The following NAB1 variants were observed in gnomAD, a reference collection of about 807,000 sequenced individuals.
The protein encoded by NAB1 is NGFI-A binding protein 1.
NAB1 carries 25 observed loss-of-function variants against 49.9 expected under a neutral mutation model. That is an observed-to-expected ratio of 0.50 (90% CI 0.37 to 0.70). The LOEUF (loss-of-function observed/expected upper bound fraction) is 0.70. Ranked by LOEUF, NAB1 falls within the 30% of genes least tolerant of loss-of-function variation. NAB1 has a pLI of 0.00. For synonymous variants in NAB1, 198 were observed against 215.6 expected, an observed-to-expected ratio of 0.92 and a Z score of 0.71; for missense variants, 489 against 575.9, an observed-to-expected ratio of 0.85 and a Z score of 1.54.
intron 2 of NAB1, 53 bp from the exon 3 acceptor site, chr2:190,655,924 T>C (rs1693896626): frequency 6.6e-6 from 1 of 152,262 alleles, no homozygotes; most frequent in African/African-American, 2.4e-5. Context: ...GGTCTTAAAT[T>C]AATGCATTGT....
chr2:190,679,634 G>T lies in NAB1; in HGVS notation c.1006-4104G>T, dbSNP rs1695233629. On this transcript the variant is annotated intron_variant, in intron 6 of 9. Coordinates refer to ENST00000337386, the MANE Select transcript of NAB1 (RefSeq NM_005966.4). This position sits in a 1 kb window ranked among gnomAD's most constrained non-coding sequence, Gnocchi z 5.3. The stretch of plus-strand genomic sequence containing the variant: ...TTTATTTAATCCCCACAAACTTCCA[G>T]TGGGCAGATACACAGGTGGTGTAAT... Among the ~76,000 whole-genome samples, 1 of 152,142 alleles carries T rather than the reference G, an allele frequency of 6.6e-6. No homozygotes were observed. The highest frequency in any genetic ancestry group is 1.9e-4 in the East Asian group (1 of 5,198).
intron 3 of NAB1, 90 bp downstream of exon 3, chr2:190,656,243 T>C (rs991909999): frequency 6.6e-6 from 1 of 152,236 alleles, no homozygotes; most frequent in African/African-American, 2.4e-5. Context: ...TTACTTCAGA[T>C]TGGAGAGAGG....
intron 9 of NAB1, among the ~76,000 whole-genome samples, chr2:190,688,120 CTT>C (rs1342179716): frequency 6.6e-6 from 1 of 152,188 alleles, no homozygotes; most frequent in Non-Finnish European, 1.5e-5. Context: ...TCATTCAAGT[CTT>C]TGAGTTAAAG....
intron 6 of NAB1, among the ~76,000 whole-genome samples, chr2:190,673,448 C>T (rs2356127): frequency 0.23 from 34,316 of 152,046 alleles, 3,992 homozygotes; most frequent in Middle Eastern, 0.25. Context: ...GTGATCCTCC[C>T]TCCTTGGCCT....
At chr2:190,664,932 T>G (rs963151773) in intron 4 of NAB1, among the ~76,000 whole-genome samples, 7 of 152,122 alleles carry the variant, frequency 4.6e-5, no homozygotes, top group Non-Finnish European at 1.0e-4. Context: ...ATTTTATTTG[T>G]ATCTCCCCTC....
At chr2:190,664,815 A>G (rs139285951) in intron 4 of NAB1, among the ~76,000 whole-genome samples, 21 of 151,544 alleles carry the variant, frequency 1.4e-4, no homozygotes, top group Admixed American at 1.2e-3. Context: ...ATAAATACTG[A>G]TCAGTTGGAT....
chr2:190,685,759 A>G lies in NAB1; in HGVS notation c.1258+121A>G. 1 of 790,764 alleles carries G rather than the reference A, an allele frequency of 1.3e-6. No homozygotes were observed. Among genetic ancestry groups the G allele is most frequent in the Non-Finnish European group, 1.8e-6 (1 of 569,812 alleles). The allele number at this position is 790,764 out of a possible 1,614,324, so 49.0% of individuals were successfully genotyped here. On this transcript the variant is annotated intron_variant, in intron 8 of 9. Coordinates refer to ENST00000337386, the MANE Select transcript of NAB1 (RefSeq NM_005966.4). The surrounding 1 kb of genome is among the most constrained non-coding windows in gnomAD (Gnocchi z 4.5). ...TAGAGATTATTTTACAGGTTCTCTTATCAAAATTATTTTTTGAATTCTTCA... is the reference window on the plus strand; with the variant it reads ...TAGAGATTATTTTACAGGTTCTCTTGTCAAAATTATTTTTTGAATTCTTCA...
intron 4 of NAB1, among the ~76,000 whole-genome samples, chr2:190,662,438 A>G (rs1694275175): frequency 6.6e-6 from 1 of 151,610 alleles, no homozygotes; most frequent in Admixed American, 6.6e-5. Context: ...CAGCCTGGCT[A>G]AGTACAGTCT....
Position 190,659,339 on chromosome 2 carries a change from C to G in NAB1, c.163C>G (p.Leu55Val). 6.2e-7 allele frequency: 1 copy of G among 1,614,116 alleles called. No homozygotes were observed. Among genetic ancestry groups the G allele is most frequent in the Non-Finnish European group, 8.5e-7 (1 of 1,180,020 alleles). ...GEEEFLEIMA[L>V]VGMASKPLHV... is the part of the protein sequence containing the mutation. ...AGAGGAGTTTTTGGAAATCATGGCA[C>G]TCGTGGGCATGGCTAGCAAGCCCCT... Residue 55 changes from leucine (L) to valine (V), a missense_variant, in exon 4 of 10, where the codon CTC (leucine) becomes GTC (valine). By Grantham distance (32) the Leu-to-Val change is conservative. This residue lies in a region of NAB1 where 35 missense variants were observed against 85.6 expected (regional missense o/e 0.41). Coordinates refer to ENST00000337386, the MANE Select transcript of NAB1 (RefSeq NM_005966.4). The surrounding 1 kb of genome is among the most constrained non-coding windows in gnomAD (Gnocchi z 6.2).
chr2:190,677,611 A>G lies in NAB1; in HGVS notation c.1005+4459A>G, dbSNP rs1559245983. ...TTCTGGGGCAATTGTAAAAATCGCT[A>G]CTTTGTATTGCTTTTATTTTGTGTC... On this transcript the variant is annotated intron_variant, in intron 6 of 9. Transcript: ENST00000337386. The surrounding 1 kb of genome is among the most constrained non-coding windows in gnomAD (Gnocchi z 5.6). The G allele has an allele frequency of 6.6e-6, 1 of 152,198 alleles. No individual in the cohort carries two copies. The highest frequency in any genetic ancestry group is 1.5e-5 in the Non-Finnish European group (1 of 68,020). The allele number at this position is 152,198 out of a possible 1,614,324, so 9.4% of individuals were successfully genotyped here.
In NAB1 at chr2:190,673,120, G is replaced by C; in HGVS notation, c.973G>C (p.Asp325His). Residue 325 changes from aspartate to histidine, a missense_variant, in exon 6 of 10, where the codon GAT (aspartate) becomes CAT (histidine). By Grantham distance (81) the Asp-to-His change is moderately conservative (BLOSUM62 -1). This residue lies in a region of NAB1 where 212 missense variants were observed against 199.3 expected (regional missense o/e 1.06). Transcript: ENST00000337386. ...RTTKSKCGER[D>H]ELSPKRIKVE... ...CCTTAGGTCAAAATGTGGAGAAAGA[G>C]ATGAATTATCCCCAAAGAGAATTAA... 6.2e-7 allele frequency: 1 copy of C among 1,607,982 alleles called. No homozygotes were observed. Among genetic ancestry groups the C allele is most frequent in the Non-Finnish European group, 8.5e-7 (1 of 1,177,340 alleles).
rs556200857 is a variant in NAB1, at chr2:190,691,785, T to C, written c.*1452T>C. ...GTATGTGTTTTTTTGTTTTTAGTTC[T>C]GCTCTAGATCATAATTGTAAAAAAT... is the stretch of plus-strand genomic sequence containing the variant. On this transcript the variant is annotated 3_prime_UTR_variant, in exon 10 of 10. Transcript: ENST00000337386. This position sits in a 1 kb window ranked among gnomAD's most constrained non-coding sequence, Gnocchi z 4.1. 5.9e-5 allele frequency: 9 copies of C among 152,278 alleles called. No homozygotes were observed. The highest frequency in any genetic ancestry group is 2.2e-4 in the African/African-American group (9 of 41,584). The allele number at this position is 152,278 out of a possible 1,614,324, so 9.4% of individuals were successfully genotyped here. A position where few individuals can be genotyped will look rare whatever the true frequency, so the allele number is the denominator to read the frequency against.
intron 4 of NAB1, among the ~76,000 whole-genome samples, chr2:190,665,485 C>CT (rs1237481300): frequency 6.6e-6 from 1 of 152,152 alleles, no homozygotes; most frequent in African/African-American, 2.4e-5. Flanking sequence ...CAAATGAAGT[C>CT]TTTGAGGGTC....
chr2:190,650,859 A>G (rs1693627472), intron 2 of NAB1, among the ~76,000 whole-genome samples: 1 of 152,194 alleles, frequency 6.6e-6, no homozygotes, highest in Non-Finnish European at 1.5e-5. Flanking sequence ...TTTGTAGATG[A>G]CTGGCTAGGT....
Position 190,649,683 on chromosome 2 carries a change from T to C in NAB1, c.-333-163T>C, listed in dbSNP as rs6434408. On this transcript the variant is annotated intron_variant, in intron 1 of 9. Transcript: ENST00000337386. The surrounding 1 kb of genome is among the most constrained non-coding windows in gnomAD (Gnocchi z 6.1). Reference sequence around the variant, plus strand: ...GGGCTGGGGGCGTCACACGGCGCTCTGGGGGTGTGCGATGTGGGTTGTGCG... The same window carrying C: ...GGGCTGGGGGCGTCACACGGCGCTCCGGGGGTGTGCGATGTGGGTTGTGCG... The C allele has an allele frequency of 6.6e-6, 1 of 151,990 alleles. No homozygotes were observed. Among genetic ancestry groups the C allele is most frequent in the Non-Finnish European group, 1.5e-5 (1 of 68,212 alleles). The allele number at this position is 151,990 out of a possible 1,614,324, so 9.4% of individuals were successfully genotyped here.
rs554403261 is a variant in NAB1, at chr2:190,654,213, G to C, written c.-196-1764G>C. Among the ~76,000 whole-genome samples the C allele has an allele frequency of 6.6e-6, 1 of 152,312 alleles. No homozygotes were observed. The highest frequency in any genetic ancestry group is 1.9e-4 in the East Asian group (1 of 5,188). On this transcript the variant is annotated intron_variant, in intron 2 of 9. Coordinates refer to ENST00000337386, the MANE Select transcript of NAB1 (RefSeq NM_005966.4). The surrounding 1 kb of genome is among the most constrained non-coding windows in gnomAD (Gnocchi z 5.6). ...ACAGTGACTTGTTCTGCAGAGCCAG[G>C]CAGGTTGCCTTCCTTGTGCCATGAC...
At chr2:190,658,925 T>G (rs1473874363) in intron 3 of NAB1, 3 of 380,500 alleles carry the variant, frequency 7.9e-6, no homozygotes, top group African/African-American at 2.0e-5. Context: ...ACCTCCAGAT[T>G]CCTGCTTACC....
rs1398810201 is a variant in NAB1 at position 190,684,001 on chromosome 2, G to A, written c.1095+174G>A. ...TCAACATGAGAGCAATAACAACTTG[G>A]TTTGATTCAGTTTATGAACGGAATC... On this transcript the variant is annotated intron_variant, in intron 7 of 9. Coordinates refer to ENST00000337386, the MANE Select transcript of NAB1 (RefSeq NM_005966.4). The surrounding 1 kb of genome is among the most constrained non-coding windows in gnomAD (Gnocchi z 4.6). Among the ~76,000 whole-genome samples, 1 of 152,132 alleles carries A rather than the reference G, an allele frequency of 6.6e-6. No individual in the cohort carries two copies. The highest frequency in any genetic ancestry group is 6.5e-5 in the Admixed American group (1 of 15,280).
intron 3 of NAB1, among the ~76,000 whole-genome samples, chr2:190,656,714 C>T (rs1353839274): frequency 6.6e-6 from 1 of 152,006 alleles, no homozygotes; most frequent in Admixed American, 6.5e-5. Context: ...AAAATCATTG[C>T]CTTATCTCAG....
Sources: allele counts gnomAD v4.1 joint callset (sites outside exome capture counted in the v4.1 genomes callset), GRCh38; gene constraint gnomAD v4.1.1; regional missense constraint gnomAD v4.1.1; non-coding constraint Gnocchi (gnomAD v3.1); transcripts MANE v1.5; gene names NCBI Gene and HGNC (gene_info 2026-07-23, HGNC 2026-07-21).